The following OSBPL3 variants were observed in gnomAD, a reference collection of about 807,000 sequenced individuals.
The protein encoded by OSBPL3 is oxysterol binding protein like 3.
In OSBPL3, 65 loss-of-function variants were observed where a neutral mutation model predicts 120.1. That is an observed-to-expected ratio of 0.54 (90% CI 0.44 to 0.67). The LOEUF (loss-of-function observed/expected upper bound fraction) is 0.67. Ranked by LOEUF, OSBPL3 falls within the 30% of genes least tolerant of loss-of-function variation. The probability of loss-of-function intolerance (pLI) is 0.00; values close to 1 mark genes in which losing one functional copy is unlikely to be tolerated. For missense variants in OSBPL3, 1,004 were observed against 1,082.1 expected (o/e 0.93, Z 1.01); for synonymous variants, 416 against 402.6 (o/e 1.03, Z -0.40).
At chr7:24,975,638 G>T (rs1817503309) in intron 1 of OSBPL3, among the ~76,000 whole-genome samples, 1 of 152,186 alleles carries the variant, frequency 6.6e-6, no homozygotes, top group South Asian at 2.1e-4. Context: ...TTAAAATCTA[G>T]TAAGGGAGGC....
At chr7:24,977,216 C>T (rs1817679166) in intron 1 of OSBPL3, among the ~76,000 whole-genome samples, 1 of 152,144 alleles carries the variant, frequency 6.6e-6, no homozygotes, top group Admixed American at 6.5e-5. Flanking sequence ...GATTTCCTTT[C>T]CTTCTGTATT....
At position 24,849,095 on chromosome 7, in the gene OSBPL3, C is replaced by T. The variant is rs376708281; in HGVS notation, c.1240G>A (p.Ala414Thr). The change falls in exon 12 of 23, where the codon GCC becomes ACC. Residue 414 changes from alanine (A) to threonine (T), a missense_variant. Around this residue, in one of 4 missense-constraint regions of OSBPL3, gnomAD observed 272 missense variants for 248.8 expected, o/e 1.09. Transcript: ENST00000313367. This position sits in a 1 kb window ranked among gnomAD's most constrained non-coding sequence, Gnocchi z 5.4. Reference protein sequence around the residue: ...ESLLLDSPAVAKSGDNLAEEN... With the variant: ...ESLLLDSPAVTKSGDNLAEEN... ...TCTGCCAGATTGTCACCCGACTTGG[C>T]GACAGCGGGGGAGTCGAGGAGCAGA... The T allele has an allele frequency of 6.8e-6, 11 of 1,613,466 alleles. 1 individual carries two copies. The highest frequency in any genetic ancestry group is 5.0e-5 in the Admixed American group (3 of 59,982).
chr7:24,944,624 CAA>C (rs34339147), intron 1 of OSBPL3, among the ~76,000 whole-genome samples: 4 of 131,892 alleles, frequency 3.0e-5, no homozygotes, highest in Admixed American at 7.5e-5. Flanking sequence ...AGCGAGACTC[CAA>C]AAAAAAAAAA....
At chr7:24,832,172 A>G (rs1443046263) in intron 15 of OSBPL3, among the ~76,000 whole-genome samples, 3 of 144,476 alleles carry the variant, frequency 2.1e-5, no homozygotes, top group Non-Finnish European at 4.5e-5. Flanking sequence ...GCACCACTGC[A>G]TTCCAGCCTG....
Position 24,804,987 on chromosome 7 carries a change from T to C in OSBPL3, c.2445-550A>G, listed in dbSNP as rs1340576931. Among the ~76,000 whole-genome samples the C allele has an allele frequency of 1.3e-5, 2 of 152,238 alleles. No homozygotes were observed. The highest frequency in any genetic ancestry group is 2.9e-5 in the Non-Finnish European group (2 of 68,036). ...TGGATGTATATGAATTTAGACAATTTCCTATGGATAGACATTTGAATCATT... is the reference window on the plus strand; with the variant it reads ...TGGATGTATATGAATTTAGACAATTCCCTATGGATAGACATTTGAATCATT... On this transcript the variant is annotated intron_variant, in intron 21 of 22. Coordinates refer to ENST00000313367, the MANE Select transcript of OSBPL3 (RefSeq NM_015550.4). This position sits in a 1 kb window ranked among gnomAD's most constrained non-coding sequence, Gnocchi z 5.4.
intron 19 of OSBPL3, among the ~76,000 whole-genome samples, chr7:24,811,694 T>A (rs756379360): frequency 2.3e-4 from 35 of 152,356 alleles, no homozygotes; most frequent in Admixed American, 1.3e-3. Context: ...AGTATAAAGT[T>A]CTAATTTCAT....
chr7:24,856,622 C>A (rs2128237897), intron 10 of OSBPL3, among the ~76,000 whole-genome samples: 1 of 152,234 alleles, frequency 6.6e-6, no homozygotes, highest in South Asian at 2.1e-4. Context: ...ATATTTTGGA[C>A]AATTATATTC....
Position 24,842,316 on chromosome 7 carries a change from T to C in OSBPL3, c.1364A>G (p.Gln455Arg). ...AGAGCTTGGAGATAACAGAACTTCC[T>C]GAGCATCAAAAAACTCAGAAAGGGA... ...TDSLSEFFDA[Q>R]EVLLSPSSSE... Residue 455 changes from glutamine (Q) to arginine (R), a missense_variant, in exon 13 of 23, where the codon CAG becomes CGG. Physicochemically the swap from Gln to Arg is conservative, Grantham distance 43. This residue lies in a region of OSBPL3 where 473 missense variants were observed against 568.0 expected (regional missense o/e 0.83). Transcript: ENST00000313367. 1 of 1,613,844 alleles carries C rather than the reference T, an allele frequency of 6.2e-7. No homozygotes were observed.
rs1032133267 is a variant in OSBPL3 at position 24,872,464 on chromosome 7, T to C, written c.97-395A>G. 6.6e-6 allele frequency among the ~76,000 whole-genome samples: 1 copy of C among 151,402 alleles called. No individual in the cohort carries two copies. Among genetic ancestry groups the C allele is most frequent in the African/African-American group, 2.4e-5 (1 of 41,208 alleles). Reference sequence around the variant, plus strand: ...CCGAAAGAGAGTGTGTGTGTGTGTGTGTGTGTGTGTGTGTGTGTGTGTGGT... The same window carrying C: ...CCGAAAGAGAGTGTGTGTGTGTGTGCGTGTGTGTGTGTGTGTGTGTGTGGT... On this transcript the variant is annotated intron_variant, in intron 2 of 22. Coordinates refer to ENST00000313367, the MANE Select transcript of OSBPL3 (RefSeq NM_015550.4). The surrounding 1 kb of genome is among the most constrained non-coding windows in gnomAD (Gnocchi z 4.1).
At position 24,893,773 on chromosome 7, in the gene OSBPL3, GC is replaced by G. The variant is rs748698245; in HGVS notation, c.-149-1153del. On this transcript the variant is annotated intron_variant, in intron 1 of 22. Transcript: ENST00000313367. ...CGGGGGGGACGGGGGGGTGGAGGCT[GC>G]AGCTCTTTGGGAGTCTTGCCCTGAT... 3.9e-5 allele frequency among the ~76,000 whole-genome samples: 6 copies of G among 152,120 alleles called. No individual in the cohort carries two copies. In the East Asian group the frequency reaches 1.2e-3, roughly 29 times the overall value.
intron 22 of OSBPL3, among the ~76,000 whole-genome samples, chr7:24,800,797 T>C (rs1037766211): frequency 2.6e-5 from 4 of 152,058 alleles, no homozygotes; most frequent in African/African-American, 7.2e-5. Flanking sequence ...TTAGAGGCTA[T>C]GAAAAGTGGT....
intron 2 of OSBPL3, among the ~76,000 whole-genome samples, chr7:24,878,619 T>C (rs1803190361): frequency 6.6e-6 from 1 of 152,244 alleles, no homozygotes; most frequent in Non-Finnish European, 1.5e-5. Context: ...CACATTTCAA[T>C]CACTGAGAAC....
Position 24,863,480 on chromosome 7 carries a change from G to A in OSBPL3, c.777+16C>T, listed in dbSNP as rs535807325. On this transcript the variant is annotated intron_variant, in intron 8 of 22. Coordinates refer to ENST00000313367, the MANE Select transcript of OSBPL3 (RefSeq NM_015550.4). The surrounding 1 kb of genome is among the most constrained non-coding windows in gnomAD (Gnocchi z 5.8). The stretch of plus-strand genomic sequence containing the variant: ...GAAGAGGGCCAGAATGTCAACAGAA[G>A]AGGAGTCCGGCTCACCTGGATGGCG... 1 of 1,586,568 alleles carries A rather than the reference G, an allele frequency of 6.3e-7. No individual in the cohort carries two copies. Among genetic ancestry groups the A allele is most frequent in the African/African-American group, 1.3e-5 (1 of 74,508 alleles).
rs1562785852 is a variant in OSBPL3 at position 24,828,607 on chromosome 7, A to AAAAAAG, written c.1884+2160_1884+2161insCTTTTT. Among the ~76,000 whole-genome samples, 33 of 95,034 alleles carry AAAAAAG rather than the reference A, an allele frequency of 3.5e-4. 1 individual carries two copies. The highest frequency in any genetic ancestry group is 6.2e-4 in the Non-Finnish European group (28 of 45,512). 62.3% of individuals were successfully genotyped at this position (95,034 alleles called of 152,430 possible). ...GGGCGACAAAGTGAGACTCTGTCTG[A>AAAAAAG]AAAAAAAAAAAAAAGAAAAAAAAAA... On this transcript the variant is annotated intron_variant, in intron 16 of 22. Coordinates refer to ENST00000313367, the MANE Select transcript of OSBPL3 (RefSeq NM_015550.4).
intron 2 of OSBPL3, among the ~76,000 whole-genome samples, chr7:24,880,652 T>C (rs1803546749): frequency 6.6e-6 from 1 of 152,162 alleles, no homozygotes; most frequent in African/African-American, 2.4e-5. Context: ...AAGAAGTCAT[T>C]TACCCAGCTC....
At chr7:24,973,511 A>G (rs1310965906) in intron 1 of OSBPL3, among the ~76,000 whole-genome samples, 4 of 152,198 alleles carry the variant, frequency 2.6e-5, no homozygotes, top group African/African-American at 9.7e-5. Flanking sequence ...GGTACAAACA[A>G]TGTGGCTAAG....
chr7:24,966,177 C>T lies in OSBPL3; in HGVS notation c.-150+13709G>A, dbSNP rs1816356095. Among the ~76,000 whole-genome samples the T allele has an allele frequency of 6.6e-6, 1 of 152,184 alleles. No individual in the cohort carries two copies. Among genetic ancestry groups the T allele is most frequent in the Non-Finnish European group, 1.5e-5 (1 of 68,034 alleles). ...CGCTTCCTACAACATGGGTATTTTC[C>T]CCAGACTGGGAAGTTCTTAGCCGCG... On this transcript the variant is annotated intron_variant, in intron 1 of 22. Transcript: ENST00000313367. This position sits in a 1 kb window ranked among gnomAD's most constrained non-coding sequence, Gnocchi z 4.8.
Position 24,896,315 on chromosome 7 carries a change from T to C in OSBPL3, c.-149-3694A>G, listed in dbSNP as rs771437471. 1.1e-4 allele frequency among the ~76,000 whole-genome samples: 17 copies of C among 152,210 alleles called. No homozygotes were observed. Among genetic ancestry groups the C allele is most frequent in the Non-Finnish European group, 2.1e-4 (14 of 68,044 alleles). On this transcript the variant is annotated intron_variant, in intron 1 of 22. Coordinates refer to ENST00000313367, the MANE Select transcript of OSBPL3 (RefSeq NM_015550.4). This position sits in a 1 kb window ranked among gnomAD's most constrained non-coding sequence, Gnocchi z 4.4. ...ACTTGTGTCAGTTCAAAAATGACGT[T>C]TGTGCCTCTAAGATGAGCTTCATTG...
chr7:24,928,732 G>A (rs1811412123), intron 1 of OSBPL3, among the ~76,000 whole-genome samples: 1 of 152,068 alleles, frequency 6.6e-6, no homozygotes, highest in Admixed American at 6.5e-5. Context: ...GGTTTTACCT[G>A]TTCTAGGACT....
Sources: allele counts gnomAD v4.1 joint callset (sites outside exome capture counted in the v4.1 genomes callset), GRCh38; gene constraint gnomAD v4.1.1; regional missense constraint gnomAD v4.1.1; non-coding constraint Gnocchi (gnomAD v3.1); transcripts MANE v1.5; gene names NCBI Gene and HGNC (gene_info 2026-07-23, HGNC 2026-07-21).